The following TMEM161B variants were observed in gnomAD, a reference collection of about 807,000 sequenced individuals.
TMEM161B encodes transmembrane protein 161B.
Under a neutral mutation model 61.8 loss-of-function variants are expected in TMEM161B, and 34 were observed. That is an observed-to-expected ratio of 0.55 (90% CI 0.42 to 0.73). The LOEUF (loss-of-function observed/expected upper bound fraction) is 0.73. Among genes scored for constraint, TMEM161B ranks in the 30% least tolerant of loss-of-function variants. TMEM161B has a pLI of 0.00. For synonymous variants in TMEM161B, 167 were observed against 192.8 expected, an observed-to-expected ratio of 0.87 and a Z score of 1.11; for missense variants, 456 against 558.5, an observed-to-expected ratio of 0.82 and a Z score of 1.85.
chr5:88,259,004 T>C (rs1433745268), intron 1 of TMEM161B, among the ~76,000 whole-genome samples: 1 of 152,206 alleles, frequency 6.6e-6, no homozygotes, highest in Non-Finnish European at 1.5e-5. Context: ...CAATCTATAA[T>C]CATACATTTA....
intron 4 of TMEM161B, 108 bp from the exon 5 acceptor site, chr5:88,220,827 C>T (rs1485795705): frequency 4.6e-5 from 60 of 1,316,678 alleles, no homozygotes; most frequent in Non-Finnish European, 5.3e-5. Flanking sequence ...ATACGCTAGA[C>T]TTTATTTGTT....
At chr5:88,246,867 C>A (rs1218835606) in intron 1 of TMEM161B, among the ~76,000 whole-genome samples, 2 of 151,968 alleles carry the variant, frequency 1.3e-5, no homozygotes, top group Non-Finnish European at 2.9e-5. Flanking sequence ...AAACACACAA[C>A]CATATGGGTC....
chr5:88,225,967 GA>G, intron 3 of TMEM161B, 101 bp from the exon 4 acceptor site: 1 of 698,010 alleles, frequency 1.4e-6, no homozygotes, highest in South Asian at 2.3e-5. Flanking sequence ...ATTTCACAGT[GA>G]AAAGGCAGAA....
chr5:88,196,416 G>A lies in TMEM161B; in HGVS notation c.1259C>T (p.Ser420Phe). 6.2e-7 allele frequency: 1 copy of A among 1,613,242 alleles called. No homozygotes were observed. Among genetic ancestry groups the A allele is most frequent in the Non-Finnish European group, 8.5e-7 (1 of 1,179,490 alleles). The change falls in exon 12 of 12, where the codon TCT (serine) becomes TTT (phenylalanine). Residue 420 changes from serine to phenylalanine, a missense_variant. By Grantham distance (155) the Ser-to-Phe change is radical (BLOSUM62 -2). This residue lies in a region of TMEM161B where 367 missense variants were observed against 427.3 expected (regional missense o/e 0.86). Transcript: ENST00000296595. ...AGCTGATGGTAATTCAGAGTAAACA[G>A]AATTGGACAGTAGACTATTATCCAC... ...LPVDNSLLSNSVYSELPSAEG... is the reference protein window; with the variant it reads ...LPVDNSLLSNFVYSELPSAEG...
chr5:88,249,423 G>A (rs1278401595), intron 1 of TMEM161B, among the ~76,000 whole-genome samples: 2 of 152,122 alleles, frequency 1.3e-5, no homozygotes, highest in Non-Finnish European at 2.9e-5. Context: ...GATTCTCAAG[G>A]CTAGTCATGA....
chr5:88,190,016 G>A (rs187034321), exon 13 of TMEM161B: 97 of 699,198 alleles, frequency 1.4e-4, no homozygotes, highest in African/African-American at 1.3e-3. Flanking sequence ...TATCTGAGCC[G>A]ATCCGTAAGG....
chr5:88,258,178 A>G (rs2112761238), intron 1 of TMEM161B, among the ~76,000 whole-genome samples: 1 of 152,342 alleles, frequency 6.6e-6, no homozygotes, highest in African/African-American at 2.4e-5. Context: ...CTGCAGTACA[A>G]TGAATGTTTT....
intron 1 of TMEM161B, among the ~76,000 whole-genome samples, chr5:88,244,435 CA>C (rs779533755): frequency 1.3e-5 from 2 of 151,630 alleles, no homozygotes; most frequent in Non-Finnish European, 3.0e-5. Flanking sequence ...TCAAAGATCA[CA>C]TGGTTGCAGG....
At chr5:88,259,486 G>A (rs1226439106) in intron 1 of TMEM161B, 1 of 152,180 alleles carries the variant, frequency 6.6e-6, no homozygotes, top group Non-Finnish European at 1.5e-5. Context: ...TGCTTACACT[G>A]ATAAGAAATT....
chr5:88,257,935 C>T (rs543756461), intron 1 of TMEM161B, among the ~76,000 whole-genome samples: 6 of 152,134 alleles, frequency 3.9e-5, no homozygotes, highest in South Asian at 2.1e-4. Context: ...CTCTCAGATA[C>T]GTGGCCAATT....
At chr5:88,209,058 TC>T in intron 5 of TMEM161B, among the ~76,000 whole-genome samples, 1 of 152,320 alleles carries the variant, frequency 6.6e-6, no homozygotes, top group African/African-American at 2.4e-5. Flanking sequence ...CAGTGTAAAG[TC>T]TTCTACTTCT....
chr5:88,196,230 T>C lies in TMEM161B; in HGVS notation c.1445A>G (p.Gln482Arg), dbSNP rs1476751067. 3 of 1,611,732 alleles carry C rather than the reference T, an allele frequency of 1.9e-6. No homozygotes were observed. Among genetic ancestry groups the C allele is most frequent in the East Asian group, 2.2e-5 (1 of 44,832 alleles). ...STSLFGLFYH[Q>R]YLTVA is the part of the protein sequence containing the mutation. ...TGAGATTCATGCCACAGTCAGATAC[T>C]GGTGATAGAAAAGCCCAAAAAGGCT... Residue 482 changes from glutamine to arginine, a missense_variant, in exon 12 of 12, where the codon CAG becomes CGG. Physicochemically the swap from Gln to Arg is conservative, Grantham distance 43. Transcript: ENST00000296595.
intron 5 of TMEM161B, among the ~76,000 whole-genome samples, chr5:88,219,542 T>C (rs190026300): frequency 7.9e-5 from 12 of 152,204 alleles, no homozygotes; most frequent in Non-Finnish European, 1.5e-4. Context: ...AGGGTAAATC[T>C]AGAACTTAGC....
downstream of TMEM161B, among the ~76,000 whole-genome samples, chr5:88,187,402 AAC>A (rs1748412695): frequency 1.4e-5 from 2 of 144,490 alleles, no homozygotes; most frequent in African/African-American, 5.8e-5. Flanking sequence ...GAATTTATAT[AAC>A]ATTTGTGTTA....
intron 1 of TMEM161B, among the ~76,000 whole-genome samples, chr5:88,248,073 G>A (rs1230893616): frequency 6.6e-6 from 1 of 152,124 alleles, no homozygotes; most frequent in Admixed American, 6.6e-5. Context: ...GTGGACTGAA[G>A]TTTTGAGAAT....
chr5:88,187,867 A>G, downstream of TMEM161B, among the ~76,000 whole-genome samples: 1 of 152,152 alleles, frequency 6.6e-6, no homozygotes, highest in East Asian at 1.9e-4. Context: ...GATCTCTTAT[A>G]GCTTCTTGAA....
At chr5:88,232,179 T>C (rs942562701) in intron 2 of TMEM161B, among the ~76,000 whole-genome samples, 2 of 152,172 alleles carry the variant, frequency 1.3e-5, no homozygotes, top group Admixed American at 6.5e-5. Context: ...AAAAGGAGAT[T>C]TGTTTACAGT....
At chr5:88,210,739 A>G (rs1275895637) in intron 5 of TMEM161B, among the ~76,000 whole-genome samples, 1 of 152,202 alleles carries the variant, frequency 6.6e-6, no homozygotes, top group East Asian at 1.9e-4. Flanking sequence ...GAAAAGACCA[A>G]TAAACAATGA....
rs1749553774 is a variant in TMEM161B at position 88,195,952 on chromosome 5, A to G, written c.*259T>C. On this transcript the variant is annotated 3_prime_UTR_variant, in exon 12 of 12. Transcript: ENST00000296595. ...GTAATCAGAAATATTACCCTTGTAGATAGCCCTCTCATACCAGTAAATACA... is the reference window on the plus strand; with the variant it reads ...GTAATCAGAAATATTACCCTTGTAGGTAGCCCTCTCATACCAGTAAATACA... The G allele has an allele frequency of 8.2e-7, 1 of 1,213,902 alleles. No homozygotes were observed. The highest frequency in any genetic ancestry group is 1.6e-5 in the African/African-American group (1 of 62,968). The allele number at this position is 1,213,902 out of a possible 1,614,324, so 75.2% of individuals were successfully genotyped here. A position where few individuals can be genotyped will look rare whatever the true frequency, so the allele number is the denominator to read the frequency against.
Sources: allele counts gnomAD v4.1 joint callset (sites outside exome capture counted in the v4.1 genomes callset), GRCh38; gene constraint gnomAD v4.1.1; regional missense constraint gnomAD v4.1.1; transcripts MANE v1.5; gene names NCBI Gene and HGNC (gene_info 2026-07-23, HGNC 2026-07-21).